GABPA: variants seen among roughly 807,000 people sequenced by gnomAD.
GABPA encodes GA-binding protein alpha chain.
In GABPA, 4 loss-of-function variants were observed where a neutral mutation model predicts 59.4. That is an observed-to-expected ratio of 0.07 (90% CI 0.03 to 0.15). The LOEUF is 0.15. GABPA is among the 10% of genes least tolerant of loss of function. The pLI is 1.00. For missense variants in GABPA, 251 were observed against 543.8 expected, an observed-to-expected ratio of 0.46 and a Z score of 5.36; for synonymous variants, 164 against 183.1, an observed-to-expected ratio of 0.90 and a Z score of 0.84.
intron 1 of GABPA, 76 bp from the exon 2 acceptor site, chr21:25,741,497 A>G: frequency 1.6e-6 from 1 of 627,014 alleles, no homozygotes; most frequent in Non-Finnish European, 2.6e-6. Flanking sequence ...TTTTATTTGG[A>G]TTGGGTCTCT....
At chr21:25,764,152 T>A in intron 7 of GABPA, 58 bp from the exon 8 acceptor site, 1 of 1,459,466 alleles carries the variant, frequency 6.9e-7, no homozygotes, top group South Asian at 1.4e-5. Flanking sequence ...TTCAGTAATT[T>A]TTTTTTTTTC....
intron 5 of GABPA, 88 bp downstream of exon 5, chr21:25,752,322 A>G: frequency 7.8e-7 from 1 of 1,287,074 alleles, no homozygotes; most frequent in Non-Finnish European, 1.1e-6. Flanking sequence ...AATCTATTTT[A>G]CATGTAGAGT....
At chr21:25,763,450 A>G (rs1399114558) in intron 7 of GABPA, 1 of 171,402 alleles carries the variant, frequency 5.8e-6, no homozygotes, top group Non-Finnish European at 1.2e-5. Flanking sequence ...ACATCATTAG[A>G]AATAAAATTT....
intron 4 of GABPA, 66 bp downstream of exon 4, chr21:25,749,186 T>C (rs1296886350): frequency 2.1e-6 from 2 of 937,578 alleles, no homozygotes; most frequent in Non-Finnish European, 3.4e-6. Context: ...AATTTATAAG[T>C]TTTTAGGTGT....
At position 25,736,649 on chromosome 21, in the gene GABPA, A is replaced by G. The variant is rs71649653; in HGVS notation, c.-27+1071A>G. ...GTTGAAGCAAATCATCAGACCGAGTACTAAATTAAAACTGTTGACTTTAGC... is the reference window on the plus strand; with the variant it reads ...GTTGAAGCAAATCATCAGACCGAGTGCTAAATTAAAACTGTTGACTTTAGC... On this transcript the variant is annotated intron_variant, in intron 1 of 9. Coordinates refer to ENST00000400075, the MANE Select transcript of GABPA (RefSeq NM_002040.4). Among the ~76,000 whole-genome samples, 534 of 152,324 alleles carry G rather than the reference A, an allele frequency of 3.5e-3. 4 individuals carry two copies. The highest frequency in any genetic ancestry group is 0.012 in the African/African-American group (503 of 41,568).
At chr21:25,743,101 C>A (rs2035266537) in intron 2 of GABPA, among the ~76,000 whole-genome samples, 1 of 152,150 alleles carries the variant, frequency 6.6e-6, no homozygotes, top group African/African-American at 2.4e-5. Context: ...GTGTCTGCGT[C>A]CAAAGTCATG....
rs3787618 is a variant in GABPA, at chr21:25,753,676, C to T, written c.553+1442C>T. The stretch of plus-strand genomic sequence containing the variant: ...AGTAACTAGAGTTGGCGAGACAAAA[C>T]AGAATTATAAGAAATAGATATCTTA... On this transcript the variant is annotated intron_variant, in intron 5 of 9. Transcript: ENST00000400075. 5.9e-4 allele frequency among the ~76,000 whole-genome samples: 89 copies of T among 152,134 alleles called. 1 individual carries two copies. In the East Asian group the frequency reaches 0.016, roughly 27 times the overall value.
chr21:25,743,659 A>G (rs1406770092), intron 2 of GABPA, among the ~76,000 whole-genome samples: 1 of 152,138 alleles, frequency 6.6e-6, no homozygotes, highest in Non-Finnish European at 1.5e-5. Context: ...ATAGCAATAA[A>G]AACTTTTTAA....
chr21:25,754,619 T>A (rs192883451), intron 5 of GABPA, among the ~76,000 whole-genome samples: 4,747 of 146,200 alleles, frequency 0.032, 239 homozygotes, highest in African/African-American at 0.11. Flanking sequence ...GATTATATAT[T>A]TTTTTTTAAC....
chr21:25,738,178 C>G (rs148242714), intron 1 of GABPA, among the ~76,000 whole-genome samples: 1 of 152,340 alleles, frequency 6.6e-6, no homozygotes, highest in African/African-American at 2.4e-5. Flanking sequence ...TATGTCCCTG[C>G]TAACTGCTCT....
chr21:25,737,975 A>T (rs2035123388), intron 1 of GABPA, among the ~76,000 whole-genome samples: 1 of 152,194 alleles, frequency 6.6e-6, no homozygotes, highest in African/African-American at 2.4e-5. Context: ...AGACACTTGG[A>T]TTGGCACCAG....
At chr21:25,743,473 C>T (rs1430743213) in intron 2 of GABPA, among the ~76,000 whole-genome samples, 2 of 151,888 alleles carry the variant, frequency 1.3e-5, no homozygotes, top group Admixed American at 6.6e-5. Flanking sequence ...CTAGGTTAGG[C>T]GACAGATTGG....
intron 3 of GABPA, among the ~76,000 whole-genome samples, chr21:25,747,126 AG>A (rs2035386759): frequency 6.6e-6 from 1 of 152,222 alleles, no homozygotes; most frequent in South Asian, 2.1e-4. Flanking sequence ...TGGCTACAAA[AG>A]GGTATACTGG....
chr21:25,749,745 C>T (rs998457093), intron 4 of GABPA, among the ~76,000 whole-genome samples: 1 of 152,202 alleles, frequency 6.6e-6, no homozygotes, highest in African/African-American at 2.4e-5. Flanking sequence ...ACAGGAAAAT[C>T]ACTTGAACCC....
intron 6 of GABPA, 52 bp from the exon 7 acceptor site, chr21:25,762,260 G>A (rs2035781426): frequency 3.1e-6 from 3 of 961,194 alleles, no homozygotes; most frequent in Non-Finnish European, 4.8e-6. Context: ...TTGGATTGGG[G>A]TTTTTATATT....
At chr21:25,764,962 GT>G (rs71651639) in intron 9 of GABPA, among the ~76,000 whole-genome samples, 175 bp downstream of exon 9, 26,739 of 147,748 alleles carry the variant, frequency 0.18, 2,988 homozygotes, top group East Asian at 0.31. Context: ...TCGAGGTACA[GT>G]TTTTTTTTTA....
chr21:25,765,505 C>T (rs779204117), intron 9 of GABPA, among the ~76,000 whole-genome samples: 4 of 151,930 alleles, frequency 2.6e-5, no homozygotes, highest in Non-Finnish European at 5.9e-5. Context: ...TCCATCCCTT[C>T]ATCTCAGTAT....
intron 6 of GABPA, among the ~76,000 whole-genome samples, chr21:25,759,911 C>T (rs537673152): frequency 6.6e-6 from 1 of 152,292 alleles, no homozygotes; most frequent in East Asian, 1.9e-4. Context: ...CCCAGGTCAG[C>T]TGTTTGTTGT....
intron 9 of GABPA, among the ~76,000 whole-genome samples, chr21:25,767,994 C>CTT (rs2035932301): frequency 6.6e-6 from 1 of 152,000 alleles, no homozygotes; most frequent in Non-Finnish European, 1.5e-5. Context: ...TATAATAGCC[C>CTT]TTTGTCAGTG....
Sources: allele counts gnomAD v4.1 joint callset (sites outside exome capture counted in the v4.1 genomes callset), GRCh38; gene constraint gnomAD v4.1.1; transcripts MANE v1.5; gene names NCBI Gene and HGNC (gene_info 2026-07-23, HGNC 2026-07-21).